WNK2: variants seen among roughly 807,000 people sequenced by gnomAD.
WNK2 encodes WNK lysine deficient protein kinase 2, also known as serine/threonine-protein kinase WNK2.
In WNK2, 67 loss-of-function variants were observed where a neutral mutation model predicts 192.1. The ratio of observed to expected loss-of-function variants is 0.35; its 90% CI spans 0.29 to 0.43. The LOEUF is 0.43. WNK2 is among the 20% of genes least tolerant of loss of function. The pLI is 1.00. For missense variants in WNK2, 2,698 were observed against 3,089.7 expected (o/e 0.87, Z 3.01); for synonymous variants, 1,439 against 1,393.9 (o/e 1.03, Z -0.72).
rs887947501 is a variant in WNK2, at chr9:93,290,056, T to G, written c.4936+9T>G. On this transcript the variant is annotated intron_variant, in intron 21 of 29. Coordinates refer to ENST00000427277, the MANE Select transcript of WNK2 (RefSeq NM_006648.4). ...GTCCTCGTCAATGACAGGTAACAGCTTCCTGCTGAACCCTGCGTTCACAAG... is the reference window on the plus strand; with the variant it reads ...GTCCTCGTCAATGACAGGTAACAGCGTCCTGCTGAACCCTGCGTTCACAAG... 4 of 1,560,630 alleles carry G rather than the reference T, an allele frequency of 2.6e-6. No individual in the cohort carries two copies. In the African/African-American group the frequency reaches 5.4e-5, roughly 21 times the overall value.
chr9:93,311,956 A>G (rs1196836662), intron 28 of WNK2, among the ~76,000 whole-genome samples: 1 of 152,220 alleles, frequency 6.6e-6, no homozygotes, highest in East Asian at 1.9e-4. Context: ...GATGGTAGCC[A>G]TCCTCTCAGG....
chr9:93,256,651 GTGTT>G (rs897415470), intron 10 of WNK2, 197 bp downstream of exon 10: 72 of 705,764 alleles, frequency 1.0e-4, no homozygotes, highest in African/African-American at 1.4e-4. Flanking sequence ...GTGTGTGTGT[GTGTT>G]TGTGTGCGTG....
chr9:93,257,679 C>T lies in WNK2; in HGVS notation c.2382+540C>T, dbSNP rs911447325. On this transcript the variant is annotated intron_variant, in intron 11 of 29. Coordinates refer to ENST00000427277, the MANE Select transcript of WNK2 (RefSeq NM_006648.4). The surrounding 1 kb of genome is among the most constrained non-coding windows in gnomAD (Gnocchi z 4.7). ...GAGGAGCGTTCTTCCTGTGGAGCTC[C>T]TCCAGGGCCGTGTGGCATGTGGCTC... Among the ~76,000 whole-genome samples, 2 of 152,230 alleles carry T rather than the reference C, an allele frequency of 1.3e-5. No homozygotes were observed. Among genetic ancestry groups the T allele is most frequent in the African/African-American group, 4.8e-5 (2 of 41,462 alleles).
intron 19 of WNK2, among the ~76,000 whole-genome samples, chr9:93,270,941 T>A (rs970197768): frequency 6.6e-6 from 1 of 152,130 alleles, no homozygotes; most frequent in Non-Finnish European, 1.5e-5. Flanking sequence ...AATTGGGTGG[T>A]TTCTGTTCGA....
At chr9:93,189,894 A>T (rs1479790777) in intron 2 of WNK2, among the ~76,000 whole-genome samples, 1 of 152,178 alleles carries the variant, frequency 6.6e-6, no homozygotes, top group Non-Finnish European at 1.5e-5. Flanking sequence ...ACCCAGCTGA[A>T]ATGGGGAGAA....
chr9:93,259,218 C>G lies in WNK2; in HGVS notation c.2670C>G (p.Ala890=), dbSNP rs765132210. The G allele has an allele frequency of 6.2e-7, 1 of 1,613,112 alleles. No homozygotes were observed. The highest frequency in any genetic ancestry group is 8.5e-7 in the Non-Finnish European group (1 of 1,179,784). ...APATIPLLAV[A]PPGVAALSIH... is the part of the protein sequence containing the mutation. Reference sequence around the variant, plus strand: ...CCACTATCCCCCTGCTGGCCGTAGCCCCACCGGGCGTGGCTGCCCTGTCCA... The same window carrying G: ...CCACTATCCCCCTGCTGGCCGTAGCGCCACCGGGCGTGGCTGCCCTGTCCA... The change falls in exon 12 of 30, where the codon GCC becomes GCG. Residue 890 remains alanine, a synonymous_variant. Transcript: ENST00000427277. This position sits in a 1 kb window ranked among gnomAD's most constrained non-coding sequence, Gnocchi z 4.8.
At chr9:93,238,959 A>G (rs930508882) in intron 6 of WNK2, among the ~76,000 whole-genome samples, 7 of 152,250 alleles carry the variant, frequency 4.6e-5, no homozygotes, top group African/African-American at 1.7e-4. Flanking sequence ...AGCAGTAAGC[A>G]GGGATGGATT....
intron 28 of WNK2, among the ~76,000 whole-genome samples, chr9:93,310,594 C>A (rs930748754): frequency 6.6e-6 from 1 of 152,156 alleles, no homozygotes; most frequent in Non-Finnish European, 1.5e-5. Context: ...GAAACTCTAT[C>A]CCTATTAAAC....
chr9:93,215,566 T>C (rs1835602815), intron 2 of WNK2, among the ~76,000 whole-genome samples: 1 of 152,264 alleles, frequency 6.6e-6, no homozygotes, highest in African/African-American at 2.4e-5. Flanking sequence ...TATTTTCTGC[T>C]GCCTTCCAGT....
intron 5 of WNK2, among the ~76,000 whole-genome samples, chr9:93,237,569 C>T (rs920882256): frequency 6.6e-6 from 1 of 152,136 alleles, no homozygotes; most frequent in African/African-American, 2.4e-5. Flanking sequence ...GAGTTTTAAC[C>T]TGCTTGCCTA....
intron 21 of WNK2, among the ~76,000 whole-genome samples, chr9:93,291,048 C>T (rs574492554): frequency 2.6e-5 from 4 of 152,310 alleles, no homozygotes; most frequent in African/African-American, 9.6e-5. Context: ...TTCTAGACGC[C>T]AGACTTTAAG....
intron 26 of WNK2, among the ~76,000 whole-genome samples, chr9:93,301,057 C>G (rs761568145): frequency 5.3e-5 from 8 of 152,346 alleles, no homozygotes; most frequent in Non-Finnish European, 7.3e-5. Context: ...CCAGTCCCAG[C>G]CTTGCTCAGA....
At chr9:93,301,812 A>G (rs1251927048) in intron 26 of WNK2, among the ~76,000 whole-genome samples, 1 of 152,092 alleles carries the variant, frequency 6.6e-6, no homozygotes, top group Non-Finnish European at 1.5e-5. Flanking sequence ...TTCCACCCCC[A>G]TGCTGTGTTT....
intron 2 of WNK2, among the ~76,000 whole-genome samples, chr9:93,186,452 A>G (rs1829351517): frequency 6.6e-6 from 1 of 152,136 alleles, no homozygotes; most frequent in African/African-American, 2.4e-5. Flanking sequence ...ATGCCTGTCC[A>G]GGGGGTGTTT....
At position 93,247,422 on chromosome 9, in the gene WNK2, CAG is replaced by C; in HGVS notation, c.1543-120_1543-119del. The stretch of plus-strand genomic sequence containing the variant: ...TCCCCGCGGATTTTACATTCAGTGG[CAG>C]TGGGATGGCGAGCGTGTCCTGCGTG... On this transcript the variant is annotated intron_variant, in intron 7 of 29. Coordinates refer to ENST00000427277, the MANE Select transcript of WNK2 (RefSeq NM_006648.4). The surrounding 1 kb of genome is among the most constrained non-coding windows in gnomAD (Gnocchi z 5.2). The C allele has an allele frequency of 8.6e-7, 1 of 1,166,080 alleles. No homozygotes were observed. The highest frequency in any genetic ancestry group is 1.2e-6 in the Non-Finnish European group (1 of 816,102). The allele number at this position is 1,166,080 out of a possible 1,614,324, so 72.2% of individuals were successfully genotyped here.
chr9:93,293,057 G>A lies in WNK2; in HGVS notation c.5592G>A (p.Lys1864=), dbSNP rs772045365. ...GPETPSRVGM[K]VPTISVTSFH... is the part of the protein sequence containing the mutation. ...AGACACCCAGCAGGGTGGGCATGAAGGTCCCCACGATCAGCGTGACCTCCT... is the reference window on the plus strand; with the variant it reads ...AGACACCCAGCAGGGTGGGCATGAAAGTCCCCACGATCAGCGTGACCTCCT... Residue 1864 remains lysine (K), a synonymous_variant, in exon 23 of 30, where the codon AAG becomes AAA. Coordinates refer to ENST00000427277, the MANE Select transcript of WNK2 (RefSeq NM_006648.4). 6.2e-7 allele frequency: 1 copy of A among 1,610,716 alleles called. No homozygotes were observed. The highest frequency in any genetic ancestry group is 2.2e-5 in the East Asian group (1 of 44,814).
chr9:93,266,814 T>A (rs1342397162), intron 16 of WNK2, among the ~76,000 whole-genome samples: 1 of 151,934 alleles, frequency 6.6e-6, no homozygotes, highest in Non-Finnish European at 1.5e-5. Context: ...CTAGAAGGGA[T>A]CTGAGACCAC....
At chr9:93,251,676 C>T (rs1186173186) in intron 8 of WNK2, among the ~76,000 whole-genome samples, 1 of 152,188 alleles carries the variant, frequency 6.6e-6, no homozygotes, top group African/African-American at 2.4e-5. Context: ...CACCACTGCA[C>T]TCCAGTCCAG....
At chr9:93,231,254 G>C in intron 4 of WNK2, 146 bp downstream of exon 4, 1 of 782,396 alleles carries the variant, frequency 1.3e-6, no homozygotes, top group Non-Finnish European at 2.1e-6. Context: ...GGGCCAGGGT[G>C]TCTGGGCTAC....
Sources: allele counts gnomAD v4.1 joint callset (sites outside exome capture counted in the v4.1 genomes callset), GRCh38; gene constraint gnomAD v4.1.1; non-coding constraint Gnocchi (gnomAD v3.1); transcripts MANE v1.5; gene names NCBI Gene and HGNC (gene_info 2026-07-23, HGNC 2026-07-21).